The following RANBP17 variants were observed in gnomAD, a reference collection of about 807,000 sequenced individuals.
RANBP17 encodes the protein RAN binding protein 17.
RANBP17 carries 158 observed loss-of-function variants against 141.2 expected under a neutral mutation model. That is an observed-to-expected ratio of 1.12 (90% CI 0.98 to 1.28). RANBP17 has a LOEUF of 1.28. RANBP17 is among the 50% of genes most tolerant of loss of function. RANBP17 has a pLI of 0.00. For synonymous variants in RANBP17, 430 were observed against 450.0 expected, an observed-to-expected ratio of 0.96 and a Z score of 0.56; for missense variants, 1,438 against 1,290.7, an observed-to-expected ratio of 1.11 and a Z score of -1.75.
intron 14 of RANBP17, among the ~76,000 whole-genome samples, chr5:171,141,079 ATTCAT>A (rs1362546017): frequency 6.6e-6 from 1 of 152,092 alleles, no homozygotes; most frequent in Non-Finnish European, 1.5e-5. Context: ...TCCTCACAAC[ATTCAT>A]TTAAGAAACA....
rs192445387 is a variant in RANBP17 at position 171,037,499 on chromosome 5, A to G, written c.1710+69122A>G. Among the ~76,000 whole-genome samples, 587 of 152,308 alleles carry G rather than the reference A, an allele frequency of 3.9e-3. 1 individual carries two copies. The highest frequency in any genetic ancestry group is 0.01 in the Middle Eastern group (3 of 294). ...TACAATTGCTTATGAGGACATAAAC[A>G]TAAATTCTTTCCCATGACTGATGTC... On this transcript the variant is annotated intron_variant, in intron 14 of 27. Coordinates refer to ENST00000523189, the MANE Select transcript of RANBP17 (RefSeq NM_022897.5).
In RANBP17 at chr5:171,280,343, T is replaced by C. The variant is rs567491206; in HGVS notation, c.2944-13540T>C. Among the ~76,000 whole-genome samples, 8 of 152,264 alleles carry C rather than the reference T, an allele frequency of 5.3e-5. No individual in the cohort carries two copies. The South Asian group carries it at 1.7e-3, about 32-fold the overall frequency. ...CCCAGGCTGGAGTGCAGTGGCACAA[T>C]CTCAGCTCACTGTGACCTCTGCCTC... is the stretch of plus-strand genomic sequence containing the variant. On this transcript the variant is annotated intron_variant, in intron 25 of 27. Coordinates refer to ENST00000523189, the MANE Select transcript of RANBP17 (RefSeq NM_022897.5).
chr5:170,948,592 C>T (rs935857015), intron 12 of RANBP17, among the ~76,000 whole-genome samples: 3 of 152,094 alleles, frequency 2.0e-5, no homozygotes, highest in African/African-American at 4.8e-5. Flanking sequence ...TTCTCATCGT[C>T]GTGGATCAGA....
chr5:171,206,512 A>G (rs1196444333), intron 20 of RANBP17: 2 of 157,574 alleles, frequency 1.3e-5, no homozygotes, highest in Non-Finnish European at 2.8e-5. Context: ...CATGTCTTTT[A>G]TGCATGAAAC....
intron 12 of RANBP17, among the ~76,000 whole-genome samples, chr5:170,949,712 C>A (rs542527994): frequency 6.6e-6 from 1 of 152,082 alleles, no homozygotes; most frequent in South Asian, 2.1e-4. Context: ...TCAGCAATTC[C>A]ACTTCTAAGT....
chr5:170,963,527 GT>G (rs370153779), intron 13 of RANBP17, among the ~76,000 whole-genome samples: 34 of 152,320 alleles, frequency 2.2e-4, no homozygotes, highest in African/African-American at 7.9e-4. Flanking sequence ...GTAGAAGATG[GT>G]TTTTCCATGG....
intron 20 of RANBP17, among the ~76,000 whole-genome samples, chr5:171,211,747 C>T (rs1032751263): frequency 6.6e-6 from 1 of 151,342 alleles, no homozygotes; most frequent in Non-Finnish European, 1.5e-5. Flanking sequence ...ACAAATGCAG[C>T]CTTAACATGG....
chr5:171,273,834 T>C (rs1767290194), intron 25 of RANBP17, among the ~76,000 whole-genome samples: 1 of 152,162 alleles, frequency 6.6e-6, no homozygotes, highest in Non-Finnish European at 1.5e-5. Context: ...GAAGCATACT[T>C]TTTTGGTTAG....
At chr5:171,192,505 A>C (rs1761716222) in intron 18 of RANBP17, among the ~76,000 whole-genome samples, 1 of 152,172 alleles carries the variant, frequency 6.6e-6, no homozygotes, top group Admixed American at 6.5e-5. Flanking sequence ...GAACTAAAAT[A>C]AACACTCTGG....
At chr5:170,957,940 T>A (rs897228780) in intron 13 of RANBP17, among the ~76,000 whole-genome samples, 3 of 152,186 alleles carry the variant, frequency 2.0e-5, no homozygotes, top group African/African-American at 7.2e-5. Context: ...TAATCCTGTA[T>A]TTTACCTAGG....
At chr5:171,000,591 G>A (rs531553160) in intron 14 of RANBP17, among the ~76,000 whole-genome samples, 5 of 152,296 alleles carry the variant, frequency 3.3e-5, no homozygotes, top group Admixed American at 6.5e-5. Flanking sequence ...ATGCGCGTCC[G>A]TGTGAAGAGA....
intron 14 of RANBP17, among the ~76,000 whole-genome samples, chr5:171,042,880 G>T (rs1782339547): frequency 6.6e-6 from 1 of 151,758 alleles, no homozygotes; most frequent in Non-Finnish European, 1.5e-5. Flanking sequence ...ACAGACACTT[G>T]GATAAATCAT....
intron 14 of RANBP17, among the ~76,000 whole-genome samples, chr5:171,137,572 A>ATGTGTGTGTGTGTGTGTGTG (rs140713117): frequency 2.1e-5 from 3 of 141,106 alleles, no homozygotes; most frequent in South Asian, 4.9e-4. Context: ...TTGACTTGAG[A>ATGTGTGTGTGTGTGTGTGTG]TGTGTGTGTG....
chr5:171,021,032 A>G (rs1398302165), intron 14 of RANBP17, among the ~76,000 whole-genome samples: 4 of 152,112 alleles, frequency 2.6e-5, no homozygotes, highest in African/African-American at 4.8e-5. Flanking sequence ...TCACTTATGA[A>G]GCTTAGTTTG....
At chr5:171,268,159 T>G (rs1463267222) in intron 25 of RANBP17, among the ~76,000 whole-genome samples, 2 of 152,192 alleles carry the variant, frequency 1.3e-5, no homozygotes, top group Non-Finnish European at 2.9e-5. Context: ...GAGATATAAT[T>G]TCTCTCCTTA....
chr5:171,024,451 G>T (rs768731870), intron 14 of RANBP17, among the ~76,000 whole-genome samples: 1 of 151,984 alleles, frequency 6.6e-6, no homozygotes, highest in Non-Finnish European at 1.5e-5. Context: ...TTGAGTAGTT[G>T]GACCATAAGC....
chr5:171,038,162 TTGTGTGTG>T (rs61652416), intron 14 of RANBP17, among the ~76,000 whole-genome samples: 18 of 144,842 alleles, frequency 1.2e-4, no homozygotes, highest in African/African-American at 4.0e-4. Flanking sequence ...TTCTTAGGTA[TTGTGTGTG>T]TGTGTGTGTG....
intron 14 of RANBP17, among the ~76,000 whole-genome samples, chr5:171,062,261 T>G (rs1783934660): frequency 6.6e-6 from 1 of 152,376 alleles, no homozygotes; most frequent in South Asian, 2.1e-4. Flanking sequence ...GCCTTGATGG[T>G]CTTTACAATT....
At chr5:171,063,406 G>C (rs947177250) in intron 14 of RANBP17, among the ~76,000 whole-genome samples, 2 of 152,344 alleles carry the variant, frequency 1.3e-5, no homozygotes, top group East Asian at 3.9e-4. Context: ...CAGGTCTGTT[G>C]GAGTTTGCAA....
Sources: gnomAD v4.1 joint callset for allele counts (sites outside exome capture counted in the v4.1 genomes callset) on GRCh38, gnomAD v4.1.1 for gene constraint, MANE v1.5 for transcripts, NCBI Gene and HGNC (gene_info 2026-07-23, HGNC 2026-07-21) for gene names.